Variants in FGD2 observed in about 807,000 individuals in gnomAD.
The protein encoded by FGD2 is FYVE, RhoGEF and PH domain-containing protein 2.
Under a neutral mutation model 75.9 loss-of-function variants are expected in FGD2, and 52 were observed. The observed-to-expected ratio is 0.69, with a 90% confidence interval of 0.55 to 0.86. The LOEUF (loss-of-function observed/expected upper bound fraction) is 0.86. FGD2 is among the 40% of genes least tolerant of loss of function. The pLI is 0.00. For synonymous variants in FGD2, 347 were observed against 348.6 expected (o/e 1.00, Z 0.05); for missense variants, 790 against 872.0 (o/e 0.91, Z 1.18).
Position 37,021,584 on chromosome 6 carries a change from G to A in FGD2, c.1306G>A (p.Gly436Arg), listed in dbSNP as rs1261868379. The change falls in exon 12 of 16, where the codon GGA (glycine) becomes AGA (arginine). Residue 436 changes from glycine to arginine, a missense_variant. Transcript: ENST00000274963. ...TFKAAAQGPE[G>R]DIQEQELQSE... ...CAAGGCTGCGGCCCAGGGGCCTGAG[G>A]GAGACATCCAGGAGCAGGAGGTAAA... The A allele has an allele frequency of 6.2e-7, 1 of 1,614,012 alleles. No individual in the cohort carries two copies. The highest frequency in any genetic ancestry group is 1.7e-5 in the Admixed American group (1 of 60,014).
Position 37,028,215 on chromosome 6 carries a change from C to T in FGD2, c.*52C>T. The T allele has an allele frequency of 6.9e-7, 1 of 1,450,078 alleles. No individual in the cohort carries two copies. The highest frequency in any genetic ancestry group is 2.5e-5 in the East Asian group (1 of 40,638). 89.8% of individuals were successfully genotyped at this position (1,450,078 alleles called of 1,614,324 possible). A position where few individuals can be genotyped will look rare whatever the true frequency, so the allele number is the denominator to read the frequency against. On this transcript the variant is annotated 3_prime_UTR_variant, in exon 16 of 16. Transcript: ENST00000274963. ...CCTCTCCCCACCCTGAACCCAGCTC[C>T]TGCCACAGACTGACCCTGTGGCCTC...
At position 37,011,733 on chromosome 6, in the gene FGD2, G is replaced by A; in HGVS notation, c.406G>A (p.Ala136Thr). ...QVFFQELLKT[A>T]RSSKAFPEDV... ...GTTTTTCCAGGAGCTGCTGAAGACA[G>A]CCCGCAGCAGCAAGGCCTTCCCAGA... The change falls in exon 4 of 16, where the codon GCC (alanine) becomes ACC (threonine). Residue 136 changes from alanine (A) to threonine (T), a missense_variant. Transcript: ENST00000274963. 1 of 1,614,162 alleles carries A rather than the reference G, an allele frequency of 6.2e-7. No individual in the cohort carries two copies. Among genetic ancestry groups the A allele is most frequent in the African/African-American group, 1.3e-5 (1 of 75,052 alleles).
At chr6:37,007,289 T>C (rs1583287988) in intron 1 of FGD2, among the ~76,000 whole-genome samples, 1 of 152,324 alleles carries the variant, frequency 6.6e-6, no homozygotes, top group East Asian at 1.9e-4. Context: ...GGAGATGGCA[T>C]AGATGTAGAC....
At chr6:37,027,096 T>C (rs1384004490) in intron 14 of FGD2, among the ~76,000 whole-genome samples, 1 of 151,858 alleles carries the variant, frequency 6.6e-6, no homozygotes, top group East Asian at 1.9e-4. Context: ...CCCTGACCAC[T>C]AGGCAACACA....
intron 8 of FGD2, among the ~76,000 whole-genome samples, chr6:37,015,433 G>A (rs552996389): frequency 1.2e-3 from 185 of 152,352 alleles, no homozygotes; most frequent in Non-Finnish European, 2.4e-3. Context: ...AGGTGGTCCT[G>A]CCTGGAGGTC....
chr6:37,008,850 C>CCCAGAGG lies in FGD2; in HGVS notation c.94_100dup (p.Leu34ProfsTer11). The CCCAGAGG allele has an allele frequency of 6.3e-7, 1 of 1,596,480 alleles. No homozygotes were observed. Among genetic ancestry groups the CCCAGAGG allele is most frequent in the Non-Finnish European group, 8.6e-7 (1 of 1,168,210 alleles). On this transcript the variant is annotated frameshift_variant, in exon 2 of 16. Transcript: ENST00000274963. LOFTEE classifies it high-confidence loss of function. ...TCTCCTCAGGACCCCAGAAGCAGCA[C>CCCAGAGG]CCAGAGGCCAGAGGCTAGAGGACGT...
rs375478778 is a variant in FGD2 at position 37,014,736 on chromosome 6, C to G, written c.882+32C>G. ...AGCCCGCCCTCTCCTGGAGCCCTGT[C>G]CCCCTCCCTGCAGGTCTCAGCCTGG... On this transcript the variant is annotated intron_variant, in intron 7 of 15. Coordinates refer to ENST00000274963, the MANE Select transcript of FGD2 (RefSeq NM_173558.4). The G allele has an allele frequency of 2.5e-5, 40 of 1,613,330 alleles. No individual in the cohort carries two copies. The African/African-American group carries it at 4.8e-4, about 19-fold the overall frequency.
chr6:37,008,373 G>T (rs567420937), intron 1 of FGD2, among the ~76,000 whole-genome samples: 1 of 152,258 alleles, frequency 6.6e-6, no homozygotes, highest in African/African-American at 2.4e-5. Context: ...GACGTGTGGA[G>T]GATGTCGATC....
chr6:37,006,321 G>A (rs1203942547), intron 1 of FGD2, among the ~76,000 whole-genome samples: 1 of 152,210 alleles, frequency 6.6e-6, no homozygotes, highest in Non-Finnish European at 1.5e-5. Flanking sequence ...AGGCATTACA[G>A]GTAAAGCTGG....
At chr6:37,015,149 GAGAA>G in intron 8 of FGD2, 111 bp downstream of exon 8, 4 of 1,387,846 alleles carry the variant, frequency 2.9e-6, no homozygotes, top group Non-Finnish European at 1.9e-6. Flanking sequence ...GGACAGGGAA[GAGAA>G]CGCTTCTCTG....
intron 9 of FGD2, among the ~76,000 whole-genome samples, chr6:37,016,212 G>C (rs1005908908): frequency 2.0e-5 from 3 of 152,144 alleles, no homozygotes; most frequent in Admixed American, 2.0e-4. Context: ...GGTCTGGGTG[G>C]GGGGGTGCCT....
At chr6:37,023,858 G>A (rs1015635015) in intron 13 of FGD2, 1 of 152,194 alleles carries the variant, frequency 6.6e-6, no homozygotes, top group African/African-American at 2.4e-5. Context: ...ACTTAAAATA[G>A]TGAAATACAA....
Position 37,005,715 on chromosome 6 carries a change from T to C in FGD2, c.-103T>C. 1 of 1,209,272 alleles carries C rather than the reference T, an allele frequency of 8.3e-7. No homozygotes were observed. The highest frequency in any genetic ancestry group is 1.2e-6 in the Non-Finnish European group (1 of 829,510). The allele number at this position is 1,209,272 out of a possible 1,614,324, so 74.9% of individuals were successfully genotyped here. A position where few individuals can be genotyped will look rare whatever the true frequency, so the allele number is the denominator to read the frequency against. Reference sequence around the variant, plus strand: ...AGAAAGATCAGAACAGATTCATGGGTGATTTAGCCTATCTGTCCCAGGCCA... The same window carrying C: ...AGAAAGATCAGAACAGATTCATGGGCGATTTAGCCTATCTGTCCCAGGCCA... On this transcript the variant is annotated 5_prime_UTR_variant, in exon 1 of 16. Coordinates refer to ENST00000274963, the MANE Select transcript of FGD2 (RefSeq NM_173558.4).
intron 12 of FGD2, 55 bp downstream of exon 12, chr6:37,021,659 T>C (rs1433098874): frequency 6.8e-7 from 1 of 1,476,978 alleles, no homozygotes; most frequent in Non-Finnish European, 9.3e-7. Flanking sequence ...ATAGAGCTTG[T>C]TCCCTCTCTG....
At chr6:37,022,529 C>A in intron 13 of FGD2, 159 bp downstream of exon 13, 1 of 994,756 alleles carries the variant, frequency 1.0e-6, no homozygotes, top group Non-Finnish European at 1.4e-6. Flanking sequence ...CCACCTGTCC[C>A]TCCGAGGCCT....
At chr6:37,025,770 C>T (rs1468227387) in intron 13 of FGD2, 22 bp from the exon 14 acceptor site, 4 of 1,613,862 alleles carry the variant, frequency 2.5e-6, no homozygotes, top group African/African-American at 1.3e-5. Flanking sequence ...CAGCCCCATG[C>T]CCCCTTATGT....
rs772703341 is a variant in FGD2, at chr6:37,011,737, G to A, written c.410G>A (p.Arg137His). 13 of 1,614,010 alleles carry A rather than the reference G, an allele frequency of 8.1e-6. No homozygotes were observed. Among genetic ancestry groups the A allele is most frequent in the African/African-American group, 5.3e-5 (4 of 74,926 alleles). The change falls in exon 4 of 16, where the codon CGC becomes CAC. Residue 137 changes from arginine to histidine, a missense_variant. Arg to His is a conservative substitution (Grantham distance 29). Coordinates refer to ENST00000274963, the MANE Select transcript of FGD2 (RefSeq NM_173558.4). ...VFFQELLKTA[R>H]SSKAFPEDVV... ...TTCCAGGAGCTGCTGAAGACAGCCCGCAGCAGCAAGGCCTTCCCAGAGGAT... is the reference window on the plus strand; with the variant it reads ...TTCCAGGAGCTGCTGAAGACAGCCCACAGCAGCAAGGCCTTCCCAGAGGAT...
At chr6:37,015,701 G>A (rs889924804) in intron 8 of FGD2, 67 bp from the exon 9 acceptor site, 24 of 1,461,544 alleles carry the variant, frequency 1.6e-5, no homozygotes, top group East Asian at 2.5e-5. Context: ...GCCCACCCTC[G>A]GGGAAACCCC....
Position 37,009,078 on chromosome 6 carries a change from T to C in FGD2, c.300+13T>C. 5 of 1,612,282 alleles carry C rather than the reference T, an allele frequency of 3.1e-6. No homozygotes were observed. Among genetic ancestry groups the C allele is most frequent in the Non-Finnish European group, 4.2e-6 (5 of 1,179,066 alleles). ...ATCGGGGACGCAGGTGCCTGAGGGCTGAGGTAGAGGTGTGGGGTGCTGGGG... is the reference window on the plus strand; with the variant it reads ...ATCGGGGACGCAGGTGCCTGAGGGCCGAGGTAGAGGTGTGGGGTGCTGGGG... On this transcript the variant is annotated intron_variant, in intron 2 of 15. Coordinates refer to ENST00000274963, the MANE Select transcript of FGD2 (RefSeq NM_173558.4).
Sources: gnomAD v4.1 joint callset for allele counts (sites outside exome capture counted in the v4.1 genomes callset) on GRCh38, gnomAD v4.1.1 for gene constraint, MANE v1.5 for transcripts, NCBI Gene and HGNC (gene_info 2026-07-23, HGNC 2026-07-21) for gene names.